Variants in PPP2R1B observed in about 807,000 individuals in gnomAD.
PPP2R1B encodes the protein serine/threonine-protein phosphatase 2A 65 kDa regulatory subunit A beta isoform.
PPP2R1B carries 58 observed loss-of-function variants against 72.7 expected under a neutral mutation model. The ratio of observed to expected loss-of-function variants is 0.80; its 90% CI spans 0.65 to 0.99. PPP2R1B has a LOEUF of 0.99. PPP2R1B is among the 50% of genes least tolerant of loss of function. The pLI is 0.00. For missense variants in PPP2R1B, 695 were observed against 733.6 expected (o/e 0.95, Z 0.61); for synonymous variants, 256 against 264.6 (o/e 0.97, Z 0.32).
At chr11:111,713,740 G>A in the PPP2R1B span, among the ~76,000 whole-genome samples, 6 of 152,170 alleles carry the variant, frequency 3.9e-5, no homozygotes, top group East Asian at 1.9e-4. Context: ...AGGCCAAGGC[G>A]GACAGATCAT....
chr11:111,766,377 G>A lies in PPP2R1B; in HGVS notation c.-16C>T. The A allele has an allele frequency of 1.4e-5, 7 of 500,436 alleles. No homozygotes were observed. The highest frequency in any genetic ancestry group is 1.8e-5 in the Non-Finnish European group (6 of 329,688). 31.0% of individuals were successfully genotyped at this position (500,436 alleles called of 1,614,324 possible). A position where few individuals can be genotyped will look rare whatever the true frequency, so the allele number is the denominator to read the frequency against. ...CGCCCGCCATGTTCTTTCTCCTCCT[G>A]CTGCTGGTCACCGCCTCCCGCCCCG... On this transcript the variant is annotated 5_prime_UTR_variant, in exon 1 of 15. Transcript: ENST00000527614.
Position 111,738,188 on chromosome 11 carries a change from G to A in PPP2R1B, c.*3408C>T, listed in dbSNP as rs1281603896. The A allele has an allele frequency of 4.1e-6, 4 of 985,668 alleles. No individual in the cohort carries two copies. In the African/African-American group the frequency reaches 5.2e-5, roughly 13 times the overall value. The allele number at this position is 985,668 out of a possible 1,614,324, so 61.1% of individuals were successfully genotyped here. ...ACATCAGACTGCAGTCACCTCAGCT[G>A]CTAAACCAGGAGAACACTGGGCAAC... On this transcript the variant is annotated 3_prime_UTR_variant, in exon 15 of 15. Transcript: ENST00000527614.
chr11:111,741,053 C>T lies in PPP2R1B; in HGVS notation c.*543G>A, dbSNP rs1363922495. 2.0e-6 allele frequency: 2 copies of T among 986,166 alleles called. No individual in the cohort carries two copies. Among genetic ancestry groups the T allele is most frequent in the African/African-American group, 3.5e-5 (2 of 57,356 alleles). The allele number at this position is 986,166 out of a possible 1,614,324, so 61.1% of individuals were successfully genotyped here. The stretch of plus-strand genomic sequence containing the variant: ...TACATTAACCCTGAGCTTCCACATT[C>T]CCCTTTCACATGAGACTAATGCAGA... On this transcript the variant is annotated 3_prime_UTR_variant, in exon 15 of 15. Transcript: ENST00000527614.
At chr11:111,723,901 G>T (rs1491000186), downstream of PPP2R1B, 37 of 1,613,260 alleles carry the variant, frequency 2.3e-5, no homozygotes, top group Non-Finnish European at 3.1e-5. Context: ...CTTGTGAGCT[G>T]CCAAGCGCTG....
At chr11:111,718,106 C>G in the PPP2R1B span, among the ~76,000 whole-genome samples, 2 of 152,188 alleles carry the variant, frequency 1.3e-5, no homozygotes, top group African/African-American at 4.8e-5. Flanking sequence ...GCTTATATGG[C>G]TTATCCTATA....
At chr11:111,705,913 T>C in the PPP2R1B span, among the ~76,000 whole-genome samples, 7 of 152,170 alleles carry the variant, frequency 4.6e-5, no homozygotes, top group African/African-American at 1.7e-4. The surrounding 1 kb of genome is among the most constrained non-coding windows in gnomAD (Gnocchi z 4.3). Context: ...AGGCTTAAAC[T>C]CATATGGCAC....
chr11:111,706,752 T>G, the PPP2R1B span, among the ~76,000 whole-genome samples: 117 of 151,994 alleles, frequency 7.7e-4, no homozygotes, highest in Non-Finnish European at 1.4e-3. Flanking sequence ...ACAAGGTCAG[T>G]AGATCAAGAT....
downstream of PPP2R1B, chr11:111,725,366 A>G (rs1331377753): frequency 6.5e-6 from 1 of 152,678 alleles, no homozygotes; most frequent in African/African-American, 2.4e-5. Context: ...AGAACCACAG[A>G]TGTGTTAACC....
chr11:111,699,349 CT>C, the PPP2R1B span, among the ~76,000 whole-genome samples: 1 of 152,028 alleles, frequency 6.6e-6, no homozygotes, highest in African/African-American at 2.4e-5. Context: ...TTTTTGGGAC[CT>C]TTTTCTCTGA....
At chr11:111,711,205 G>A in the PPP2R1B span, among the ~76,000 whole-genome samples, 5 of 150,686 alleles carry the variant, frequency 3.3e-5, no homozygotes, top group African/African-American at 9.8e-5. Context: ...TGCAAGCTCC[G>A]CCTCCCGGGT....
chr11:111,732,723 A>G (rs567713157), intron 15 of PPP2R1B, among the ~76,000 whole-genome samples: 1 of 152,286 alleles, frequency 6.6e-6, no homozygotes, highest in East Asian at 1.9e-4. Context: ...CAAAGCTCAG[A>G]GGGACCCTCC....
chr11:111,725,384 C>T (rs143792566), downstream of PPP2R1B: 9 of 152,752 alleles, frequency 5.9e-5, no homozygotes, highest in Non-Finnish European at 1.2e-4. Flanking sequence ...ACCATTTAAG[C>T]AGATCATCTG....
chr11:111,735,412 C>T (rs1326344147), downstream of PPP2R1B: 1 of 152,218 alleles, frequency 6.6e-6, no homozygotes, highest in Admixed American at 6.5e-5. Flanking sequence ...ATTCAATAAA[C>T]AAATCCCCTG....
At chr11:111,752,923 A>G (rs1218225675) in intron 9 of PPP2R1B, among the ~76,000 whole-genome samples, 3 of 152,222 alleles carry the variant, frequency 2.0e-5, no homozygotes, top group Non-Finnish European at 4.4e-5. Flanking sequence ...AGATTGCGCC[A>G]CTGCACTCCA....
At chr11:111,699,741 C>T in the PPP2R1B span, among the ~76,000 whole-genome samples, 1 of 152,216 alleles carries the variant, frequency 6.6e-6, no homozygotes, top group African/African-American at 2.4e-5. Flanking sequence ...ATGGAGTGAG[C>T]TTATTTTAAC....
intron 3 of PPP2R1B, among the ~76,000 whole-genome samples, chr11:111,762,076 G>A (rs1271536560): frequency 6.6e-6 from 1 of 152,174 alleles, no homozygotes; most frequent in Admixed American, 6.5e-5. Flanking sequence ...ATATGGCATG[G>A]CCTAGTAAAA....
chr11:111,734,149 C>T (rs1944274837), downstream of PPP2R1B, among the ~76,000 whole-genome samples: 2 of 152,190 alleles, frequency 1.3e-5, no homozygotes, highest in South Asian at 4.1e-4. Flanking sequence ...CCCCACTCCC[C>T]TGGAGGGCTG....
At chr11:111,723,234 C>T (rs1228057532), downstream of PPP2R1B, among the ~76,000 whole-genome samples, 2 of 152,176 alleles carry the variant, frequency 1.3e-5, no homozygotes, top group East Asian at 3.9e-4. Context: ...ATCATCCTCT[C>T]ATTGTATAAA....
intron 2 of PPP2R1B, 139 bp downstream of exon 2, chr11:111,765,155 A>G: frequency 9.9e-7 from 1 of 1,012,480 alleles, no homozygotes; most frequent in Non-Finnish European, 1.5e-6. Context: ...CACAACTAAC[A>G]ATATACTCTG....
Sources: gnomAD v4.1 joint callset for allele counts (sites outside exome capture counted in the v4.1 genomes callset) on GRCh38, gnomAD v4.1.1 for gene constraint, Gnocchi (gnomAD v3.1) non-coding constraint, MANE v1.5 for transcripts, NCBI Gene and HGNC (gene_info 2026-07-23, HGNC 2026-07-21) for gene names.